Variants in LSAMP observed in about 807,000 individuals in gnomAD.
LSAMP encodes the protein limbic system associated membrane protein.
LSAMP carries 7 observed loss-of-function variants against 38.6 expected under a neutral mutation model. That is an observed-to-expected ratio of 0.18 (90% CI 0.10 to 0.34). The LOEUF (loss-of-function observed/expected upper bound fraction) is 0.34. LSAMP is among the 10% of genes least tolerant of loss of function. The pLI is 1.00. For synonymous variants in LSAMP, 154 were observed against 166.8 expected (o/e 0.92, Z 0.59); for missense variants, 313 against 420.0 (o/e 0.75, Z 2.23).
chr3:116,001,254 T>C (rs1034249337), intron 3 of LSAMP, among the ~76,000 whole-genome samples: 1 of 152,176 alleles, frequency 6.6e-6, no homozygotes, highest in African/African-American at 2.4e-5. Flanking sequence ...CAGTTGAACA[T>C]AATACAATTC....
At chr3:116,382,340 T>C (rs1222154899) in intron 1 of LSAMP, among the ~76,000 whole-genome samples, 2 of 152,056 alleles carry the variant, frequency 1.3e-5, no homozygotes, top group East Asian at 3.9e-4. Context: ...AAGGATGAGT[T>C]CATGTCCTTT....
At chr3:116,440,960 T>A (rs1170051419) in intron 1 of LSAMP, among the ~76,000 whole-genome samples, 1 of 152,224 alleles carries the variant, frequency 6.6e-6, no homozygotes, top group African/African-American at 2.4e-5. Context: ...CCATTCCACA[T>A]GATTTACAGA....
chr3:116,128,661 T>C (rs1334815402), intron 1 of LSAMP, among the ~76,000 whole-genome samples: 1 of 152,228 alleles, frequency 6.6e-6, no homozygotes, highest in Non-Finnish European at 1.5e-5. Flanking sequence ...AATGAAATCA[T>C]TTAAGTGACC....
At chr3:116,201,185 A>T (rs2045982578) in intron 1 of LSAMP, among the ~76,000 whole-genome samples, 1 of 152,088 alleles carries the variant, frequency 6.6e-6, no homozygotes, top group African/African-American at 2.4e-5. Flanking sequence ...TTTCATTTGC[A>T]TGCATTGGCT....
Position 116,332,375 on chromosome 3 carries a change from G to C in LSAMP, c.155+112502C>G, listed in dbSNP as rs556149792. ...AAGAGGTGGTGGTGAAGCTGTAAAG[G>C]AGCAGGGTTTTGTATGTCGCTGAAG... On this transcript the variant is annotated intron_variant, in intron 1 of 6. Transcript: ENST00000490035. 9.9e-5 allele frequency among the ~76,000 whole-genome samples: 15 copies of C among 152,172 alleles called. No homozygotes were observed. In the South Asian group the frequency reaches 3.1e-3, roughly 32 times the overall value.
At chr3:115,951,611 T>C (rs987220890) in intron 3 of LSAMP, among the ~76,000 whole-genome samples, 3 of 152,140 alleles carry the variant, frequency 2.0e-5, no homozygotes, top group African/African-American at 7.2e-5. Context: ...CACAATCTAA[T>C]CAGCTGCCAG....
Position 115,809,097 on chromosome 3 carries a change from T to C in LSAMP, c.*1220A>G, listed in dbSNP as rs1933722521. 6.6e-6 allele frequency: 1 copy of C among 152,198 alleles called. No individual in the cohort carries two copies. Among genetic ancestry groups the C allele is most frequent in the South Asian group, 2.1e-4 (1 of 4,828 alleles). 9.4% of individuals were successfully genotyped at this position (152,198 alleles called of 1,614,324 possible). A position where few individuals can be genotyped will look rare whatever the true frequency, so the allele number is the denominator to read the frequency against. On this transcript the variant is annotated 3_prime_UTR_variant, in exon 7 of 7. Transcript: ENST00000490035. ...CAACACATGCTGCTCATTTTCACAGTGGAGCAGGGCCTACCCTGTTAAATG... is the reference window on the plus strand; with the variant it reads ...CAACACATGCTGCTCATTTTCACAGCGGAGCAGGGCCTACCCTGTTAAATG...
intron 1 of LSAMP, among the ~76,000 whole-genome samples, chr3:116,337,291 T>C (rs1023503338): frequency 2.6e-5 from 4 of 151,976 alleles, no homozygotes; most frequent in Non-Finnish European, 2.9e-5. Context: ...TACACTAAAC[T>C]ACACATTTGA....
At chr3:116,032,943 C>T (rs1940962098) in intron 2 of LSAMP, among the ~76,000 whole-genome samples, 1 of 152,118 alleles carries the variant, frequency 6.6e-6, no homozygotes. Flanking sequence ...TAGCTGTGCT[C>T]AGCATAGAAA....
intron 1 of LSAMP, among the ~76,000 whole-genome samples, chr3:116,173,202 T>C (rs566893727): frequency 6.6e-6 from 1 of 152,156 alleles, no homozygotes; most frequent in Admixed American, 6.6e-5. Flanking sequence ...TCAATAAATG[T>C]TGGATGAATA....
intron 1 of LSAMP, among the ~76,000 whole-genome samples, chr3:116,245,299 A>G (rs2046590763): frequency 9.2e-5 from 14 of 152,196 alleles, no homozygotes; most frequent in Admixed American, 9.2e-4. Flanking sequence ...AGGCTCCAGA[A>G]CAGTGAGATA....
At chr3:115,992,567 T>C (rs10212425) in intron 3 of LSAMP, among the ~76,000 whole-genome samples, 6,783 of 151,990 alleles carry the variant, frequency 0.045, 400 homozygotes, top group African/African-American at 0.14. Flanking sequence ...AATCTTCTCA[T>C]AAGATGCAAA....
At chr3:116,181,442 C>A (rs1710482661) in intron 1 of LSAMP, among the ~76,000 whole-genome samples, 1 of 151,906 alleles carries the variant, frequency 6.6e-6, no homozygotes, top group South Asian at 2.1e-4. Context: ...TTTGAACTGA[C>A]ACAATTATTT....
intron 2 of LSAMP, among the ~76,000 whole-genome samples, chr3:116,028,065 T>TG (rs1464359028): frequency 6.6e-6 from 1 of 152,158 alleles, no homozygotes; most frequent in African/African-American, 2.4e-5. Flanking sequence ...GCCCTGTTTA[T>TG]TTGCATATGT....
At chr3:116,171,395 A>C (rs1258156375) in intron 1 of LSAMP, among the ~76,000 whole-genome samples, 1 of 152,140 alleles carries the variant, frequency 6.6e-6, no homozygotes, top group Non-Finnish European at 1.5e-5. Context: ...GAGTTATATT[A>C]AATAGAAAAC....
chr3:116,407,806 C>T (rs767882092), intron 1 of LSAMP, among the ~76,000 whole-genome samples: 7 of 151,974 alleles, frequency 4.6e-5, no homozygotes, highest in South Asian at 2.1e-4. Flanking sequence ...TGGCCACTGA[C>T]GGTATTTATT....
chr3:116,366,112 A>G (rs1024896986), intron 1 of LSAMP, among the ~76,000 whole-genome samples: 2 of 147,206 alleles, frequency 1.4e-5, no homozygotes, highest in African/African-American at 2.5e-5. Flanking sequence ...AAATTTTTGC[A>G]GTCTATCCAT....
chr3:116,078,122 A>G (rs1211947250), intron 2 of LSAMP, among the ~76,000 whole-genome samples: 1 of 152,090 alleles, frequency 6.6e-6, no homozygotes, highest in Non-Finnish European at 1.5e-5. Context: ...CTTTAACATT[A>G]TTCCTTATTT....
chr3:116,180,906 A>G (rs1433587966), intron 1 of LSAMP, among the ~76,000 whole-genome samples: 1 of 152,084 alleles, frequency 6.6e-6, no homozygotes, highest in African/African-American at 2.4e-5. Context: ...GGGTTAGGTG[A>G]TTCCATGAAT....
Sources: allele counts gnomAD v4.1 joint callset (sites outside exome capture counted in the v4.1 genomes callset), GRCh38; gene constraint gnomAD v4.1.1; transcripts MANE v1.5; gene names NCBI Gene and HGNC (gene_info 2026-07-23, HGNC 2026-07-21).